Variants in SORBS2 observed in about 807,000 individuals in gnomAD.
SORBS2 encodes sorbin and SH3 domain containing 2.
Under a neutral mutation model 97.7 loss-of-function variants are expected in SORBS2, and 46 were observed. The observed-to-expected ratio is 0.47, with a 90% CI of 0.37 to 0.60. SORBS2 has a LOEUF of 0.60. SORBS2 is among the 20% of genes least tolerant of loss of function. SORBS2 has a pLI of 0.00. For synonymous variants in SORBS2, 476 were observed against 473.4 expected (o/e 1.01, Z -0.07); for missense variants, 1,316 against 1,282.3 (o/e 1.03, Z -0.40).
intron 1 of SORBS2, among the ~76,000 whole-genome samples, chr4:185,833,382 T>C (rs931818595): frequency 6.6e-6 from 1 of 152,230 alleles, no homozygotes; most frequent in Non-Finnish European, 1.5e-5. Context: ...TTACATGGTA[T>C]CATGTACATG....
At chr4:185,621,758 G>GA (rs1372156268) in intron 7 of SORBS2, among the ~76,000 whole-genome samples, 1 of 151,418 alleles carries the variant, frequency 6.6e-6, no homozygotes, top group Non-Finnish European at 1.5e-5. Context: ...TTTTTTGTCT[G>GA]AGATTATATT....
rs114628142 is a variant in SORBS2 at position 185,948,026 on chromosome 4, G to A, written c.-338+8170C>T. ...ATATTATGAATTCTTAAAGAGGCCG[G>A]TTCTTTTTTTAATGTATTTTTGTTG... On this transcript the variant is annotated intron_variant, in intron 1 of 20. Coordinates refer to the SORBS2 transcript ENST00000284776. 6.2e-3 allele frequency among the ~76,000 whole-genome samples: 946 copies of A among 152,278 alleles called. 8 individuals carry two copies. The highest frequency in any genetic ancestry group is 0.021 in the African/African-American group (862 of 41,544).
chr4:185,824,378 GC>G (rs1255125428), intron 1 of SORBS2, among the ~76,000 whole-genome samples: 1 of 152,112 alleles, frequency 6.6e-6, no homozygotes, highest in Admixed American at 6.5e-5. Flanking sequence ...TTGAATGAGG[GC>G]CCACCTTAAT....
chr4:185,820,346 C>T (rs2099195999), intron 1 of SORBS2, among the ~76,000 whole-genome samples: 1 of 152,224 alleles, frequency 6.6e-6, no homozygotes, highest in Admixed American at 6.5e-5. Context: ...CTCCTGCTTT[C>T]CTTCCCGGCT....
At chr4:185,694,706 C>CTTTTTTTTTTTTTTTTTTTTTTTTTTT (rs1200094039) in intron 2 of SORBS2, among the ~76,000 whole-genome samples, 2 of 124,246 alleles carry the variant, frequency 1.6e-5, no homozygotes, top group Admixed American at 9.0e-5. Context: ...CCTTTTCTTT[C>CTTTTTTTTTTTTTTTTTTTTTTTTTTT]TTTTCTTTTC....
At chr4:185,747,094 G>C (rs1192458508) in intron 2 of SORBS2, among the ~76,000 whole-genome samples, 1 of 152,132 alleles carries the variant, frequency 6.6e-6, no homozygotes, top group African/African-American at 2.4e-5. Context: ...AACAAAAAAG[G>C]AGGAAATTTG....
intron 1 of SORBS2, among the ~76,000 whole-genome samples, chr4:185,801,080 C>A (rs2099128165): frequency 6.6e-6 from 1 of 152,194 alleles, no homozygotes; most frequent in Non-Finnish European, 1.5e-5. Flanking sequence ...CCATTCGACT[C>A]TGTTTCTATG....
intron 12 of SORBS2, among the ~76,000 whole-genome samples, chr4:185,605,710 G>A (rs1417487486): frequency 2.6e-5 from 4 of 152,054 alleles, no homozygotes; most frequent in Non-Finnish European, 2.9e-5. Context: ...TCAGCCTCCC[G>A]AGTAGCTGGG....
intron 2 of SORBS2, among the ~76,000 whole-genome samples, chr4:185,702,434 C>G (rs2098277446): frequency 2.0e-5 from 3 of 152,190 alleles, no homozygotes; most frequent in Non-Finnish European, 4.4e-5. Context: ...CTCACTCTCC[C>G]TCTGCCAGGG....
intron 1 of SORBS2, among the ~76,000 whole-genome samples, chr4:185,935,907 A>C (rs1391781088): frequency 6.6e-6 from 1 of 152,194 alleles, no homozygotes; most frequent in African/African-American, 2.4e-5. Flanking sequence ...GCTGGAGTGC[A>C]TTGGTATGAT....
In SORBS2 at chr4:185,648,222, A is replaced by C. The variant is rs1056408835; in HGVS notation, c.281+1245T>G. Among the ~76,000 whole-genome samples, 6 of 152,090 alleles carry C rather than the reference A, an allele frequency of 3.9e-5. No homozygotes were observed. In the South Asian group the frequency reaches 1.2e-3, roughly 32 times the overall value. The stretch of plus-strand genomic sequence containing the variant: ...GGCAATCCACACACCATGGCTTCCC[A>C]AAATGCTGGGACTGGCTGGGTGCAG... On this transcript the variant is annotated intron_variant, in intron 3 of 14. Transcript: ENST00000418609.
intron 2 of SORBS2, among the ~76,000 whole-genome samples, chr4:185,703,460 G>A (rs2098294790): frequency 6.6e-6 from 1 of 152,076 alleles, no homozygotes; most frequent in Admixed American, 6.5e-5. Context: ...ATTTTAAAGA[G>A]TAAAAGTCTA....
At chr4:185,774,507 T>C (rs2098990095) in intron 2 of SORBS2, 1 of 152,140 alleles carries the variant, frequency 6.6e-6, no homozygotes, top group East Asian at 1.9e-4. Flanking sequence ...CAGATCAAAG[T>C]ACTTCGCAAA....
chr4:185,898,713 T>A (rs955939948), intron 1 of SORBS2, among the ~76,000 whole-genome samples: 1 of 152,124 alleles, frequency 6.6e-6, no homozygotes, highest in Non-Finnish European at 1.5e-5. Flanking sequence ...TGCAGAGTGG[T>A]ATGGAGAGGG....
intron 1 of SORBS2, among the ~76,000 whole-genome samples, chr4:185,793,427 TA>T (rs2099090500): frequency 6.6e-6 from 1 of 152,210 alleles, no homozygotes; most frequent in African/African-American, 2.4e-5. Context: ...GCAATGTAAT[TA>T]ATTGGGACCA....
chr4:185,606,842 C>CA lies in SORBS2; in HGVS notation c.2796+4937dup. The CA allele has an allele frequency of 1.0e-6, 1 of 985,356 alleles. No homozygotes were observed. The highest frequency in any genetic ancestry group is 1.7e-5 in the African/African-American group (1 of 57,336). 61.0% of individuals were successfully genotyped at this position (985,356 alleles called of 1,614,324 possible). On this transcript the variant is annotated intron_variant, in intron 12 of 14. Coordinates refer to ENST00000418609, the Ensembl canonical transcript of SORBS2. This position sits in a 1 kb window ranked among gnomAD's most constrained non-coding sequence, Gnocchi z 4.3. The stretch of plus-strand genomic sequence containing the variant: ...TCCTCTCCAATGACCGGAAGGGGTA[C>CA]AGGCAAGGAACCCACGCTGGTGCAC...
chr4:185,896,114 T>A (rs2099244900), intron 1 of SORBS2, among the ~76,000 whole-genome samples: 1 of 152,192 alleles, frequency 6.6e-6, no homozygotes, highest in South Asian at 2.1e-4. Context: ...AACCAACTTG[T>A]ATATAACAAA....
intron 2 of SORBS2, among the ~76,000 whole-genome samples, chr4:185,760,960 T>C (rs1057044114): frequency 1.3e-5 from 2 of 152,212 alleles, no homozygotes; most frequent in African/African-American, 2.4e-5. Context: ...AGTTACATAA[T>C]AAAAGTTAAT....
At position 185,709,304 on chromosome 4, in the gene SORBS2, C is replaced by CCTTTTTTTTTTTTTTTTTTTTT. The variant is rs1554199361; in HGVS notation, c.-197-30483_-197-30482insAAAAAAAAAAAAAAAAAAAAAG. Among the ~76,000 whole-genome samples, 615 of 96,662 alleles carry CCTTTTTTTTTTTTTTTTTTTTT rather than the reference C, an allele frequency of 6.4e-3. 96 individuals are homozygous for CCTTTTTTTTTTTTTTTTTTTTT. Among genetic ancestry groups the CCTTTTTTTTTTTTTTTTTTTTT allele is most frequent in the East Asian group, 7.6e-3 (25 of 3,290 alleles). 63.4% of individuals were successfully genotyped at this position (96,662 alleles called of 152,430 possible). A position where few individuals can be genotyped will look rare whatever the true frequency, so the allele number is the denominator to read the frequency against. ...GCATGAGCCGCTGTGCTGGCCAAAT[C>CCTTTTTTTTTTTTTTTTTTTTT]TTTTTTTTTTTTTTTTTTTTAGTAA... On this transcript the variant is annotated intron_variant, in intron 2 of 20. Transcript: ENST00000284776.
Sources: allele counts gnomAD v4.1 joint callset (sites outside exome capture counted in the v4.1 genomes callset), GRCh38; gene constraint gnomAD v4.1.1; non-coding constraint Gnocchi (gnomAD v3.1); transcripts MANE v1.5; gene names NCBI Gene and HGNC (gene_info 2026-07-23, HGNC 2026-07-21).